The following KLKB1 variants were observed in gnomAD, a reference collection of about 807,000 sequenced individuals.
KLKB1 encodes kallikrein B1.
In KLKB1, 58 loss-of-function variants were observed where a neutral mutation model predicts 73.6. That is an observed-to-expected ratio of 0.79 (90% CI 0.64 to 0.98). The LOEUF is 0.98. Ranked by LOEUF, KLKB1 falls within the 50% of genes least tolerant of loss-of-function variation. The pLI, the probability that KLKB1 is intolerant of heterozygous loss-of-function variation, is 0.00. For missense variants in KLKB1, 737 were observed against 763.8 expected (o/e 0.96, Z 0.41); for synonymous variants, 280 against 258.1 (o/e 1.08, Z -0.81).
intron 5 of KLKB1, 23 bp from the exon 6 acceptor site, chr4:186,238,233 T>C: frequency 6.6e-7 from 1 of 1,508,038 alleles, no homozygotes; most frequent in South Asian, 1.1e-5. Context: ...GAAAGCAAAG[T>C]AACCTCTTTT....
chr4:186,256,600 G>A (rs954796504), intron 13 of KLKB1, among the ~76,000 whole-genome samples: 8 of 152,104 alleles, frequency 5.3e-5, no homozygotes, highest in African/African-American at 1.9e-4. Context: ...GGTAATCTGA[G>A]ACAAGAAGAA....
At chr4:186,228,095 C>A in intron 1 of KLKB1, 100 bp from the exon 2 acceptor site, 1 of 745,978 alleles carries the variant, frequency 1.3e-6, no homozygotes, top group Non-Finnish European at 2.4e-6. Flanking sequence ...CTTTGTCTTG[C>A]AATTCAGACA....
At chr4:186,215,505 A>G (rs1736876939) in intron 2 of KLKB1, among the ~76,000 whole-genome samples, 1 of 150,480 alleles carries the variant, frequency 6.6e-6, no homozygotes, top group African/African-American at 2.5e-5. Flanking sequence ...TTGCTTGCGC[A>G]AGTCAAGCCC....
chr4:186,213,891 T>C (rs530204525), intron 2 of KLKB1, among the ~76,000 whole-genome samples: 2 of 152,346 alleles, frequency 1.3e-5, no homozygotes, highest in African/African-American at 4.8e-5. Context: ...ACCCTCTTTT[T>C]CTAGGAGCAG....
chr4:186,247,102 CTTG>C (rs1004539527), intron 6 of KLKB1, among the ~76,000 whole-genome samples: 1 of 152,130 alleles, frequency 6.6e-6, no homozygotes, highest in Non-Finnish European at 1.5e-5. Flanking sequence ...GTTCCTTGGG[CTTG>C]TTGGTCTGAG....
chr4:186,212,489 T>A (rs1015064660), intron 2 of KLKB1: 1 of 152,242 alleles, frequency 6.6e-6, no homozygotes, highest in African/African-American at 2.4e-5. Flanking sequence ...CATTTAATAG[T>A]TTAAACAAGA....
At chr4:186,223,122 G>T (rs1231135327), upstream of KLKB1, among the ~76,000 whole-genome samples, 1 of 152,090 alleles carries the variant, frequency 6.6e-6, no homozygotes, top group Non-Finnish European at 1.5e-5. Context: ...CACCATAATT[G>T]TAAGTTTCCT....
intron 6 of KLKB1, among the ~76,000 whole-genome samples, chr4:186,244,868 G>T (rs1738246130): frequency 6.6e-6 from 1 of 152,138 alleles, no homozygotes; most frequent in African/African-American, 2.4e-5. Flanking sequence ...TTGGCATTGA[G>T]CGGGGTAAGT....
At chr4:186,225,486 C>T (rs1216608652), upstream of KLKB1, among the ~76,000 whole-genome samples, 2 of 126,232 alleles carry the variant, frequency 1.6e-5, no homozygotes, top group African/African-American at 3.3e-5. Flanking sequence ...GTGCAGTGTG[C>T]AGTGGCGCAA....
At chr4:186,248,945 G>A (rs1312383780) in intron 6 of KLKB1, among the ~76,000 whole-genome samples, 1 of 152,106 alleles carries the variant, frequency 6.6e-6, no homozygotes, top group Non-Finnish European at 1.5e-5. Flanking sequence ...ATCTTTTCGT[G>A]TGCTCATTTT....
intron 6 of KLKB1, among the ~76,000 whole-genome samples, chr4:186,249,824 T>A (rs28721981): frequency 0.15 from 22,087 of 152,234 alleles, 1,743 homozygotes; most frequent in Middle Eastern, 0.22. Flanking sequence ...TCTCCTGTTC[T>A]AATTTTAATA....
At position 186,252,123 on chromosome 4, in the gene KLKB1, C is replaced by T. The variant is rs140719431; in HGVS notation, c.1251C>T (p.His417=). The T allele has an allele frequency of 6.0e-4, 968 of 1,613,906 alleles. No individual in the cohort carries two copies. The highest frequency in any genetic ancestry group is 7.4e-4 in the Non-Finnish European group (876 of 1,180,038). ...SLQVKLTAQR[H]LCGGSLIGHQ... ...AGGTGAAGCTGACAGCTCAGAGGCA[C>T]CTGTGTGGAGGGTCACTCATAGGAC... The change falls in exon 11 of 15, where the codon CAC becomes CAT. Residue 417 remains histidine, a synonymous_variant. Transcript: ENST00000264690.
In KLKB1 at chr4:186,232,157, T is replaced by A; in HGVS notation, c.89T>A (p.Phe30Tyr). Residue 30 changes from phenylalanine to tyrosine, a missense_variant, in exon 3 of 15, where the codon TTC (phenylalanine) becomes TAC (tyrosine). Phe to Tyr is a conservative substitution (Grantham distance 22). Transcript: ENST00000264690. ...GCLTQLYENA[F>Y]FRGGDVASMY... ...CTGACTCAACTCTATGAAAACGCCT[T>A]CTTCAGAGGTGGGGATGTAGCTTCC... The A allele has an allele frequency of 6.2e-7, 1 of 1,613,180 alleles. No individual in the cohort carries two copies. Among genetic ancestry groups the A allele is most frequent in the Non-Finnish European group, 8.5e-7 (1 of 1,179,386 alleles).
intron 11 of KLKB1, among the ~76,000 whole-genome samples, chr4:186,252,563 A>G (rs1413874898): frequency 1.0e-5 from 1 of 98,162 alleles, no homozygotes; most frequent in African/African-American, 4.1e-5. Flanking sequence ...CTCAGCACCA[A>G]TCCCACCACC....
At chr4:186,247,984 A>T (rs1009680119) in intron 6 of KLKB1, among the ~76,000 whole-genome samples, 1 of 152,226 alleles carries the variant, frequency 6.6e-6, no homozygotes, top group Non-Finnish European at 1.5e-5. Context: ...ACGGTGGCTC[A>T]CGCCTGTAAT....
chr4:186,228,523 C>G (rs1001727422), intron 2 of KLKB1, among the ~76,000 whole-genome samples: 2 of 152,146 alleles, frequency 1.3e-5, no homozygotes, highest in African/African-American at 4.8e-5. Context: ...TCGCAGATGA[C>G]ACTCTGCAAA....
Position 186,258,089 on chromosome 4 carries a change from G to A in KLKB1, c.1794G>A (p.Trp598Ter). 1 of 1,614,104 alleles carries A rather than the reference G, an allele frequency of 6.2e-7. No homozygotes were observed. The highest frequency in any genetic ancestry group is 8.5e-7 in the Non-Finnish European group (1 of 1,179,982). The change falls in exon 15 of 15, where the codon TGG (tryptophan) becomes TGA (stop). Residue 598 changes from tryptophan to a stop codon, truncating the protein, a stop_gained. Transcript: ENST00000264690. LOFTEE classifies it low-confidence loss of function (END_TRUNC). ...GMWRLVGITS[W>*]GEGCARREQP... ...GGCGTTTGGTGGGCATCACCAGCTGGGGTGAAGGCTGTGCCCGCAGGGAGC... is the reference window on the plus strand; with the variant it reads ...GGCGTTTGGTGGGCATCACCAGCTGAGGTGAAGGCTGTGCCCGCAGGGAGC...
At chr4:186,220,361 A>G (rs960509939) in intron 2 of KLKB1, among the ~76,000 whole-genome samples, 7 of 152,194 alleles carry the variant, frequency 4.6e-5, no homozygotes, top group Non-Finnish European at 1.5e-5. Context: ...CCACCGTTCT[A>G]TCAATACAGC....
At chr4:186,257,729 C>G (rs1410279307) in intron 14 of KLKB1, among the ~76,000 whole-genome samples, 1 of 146,680 alleles carries the variant, frequency 6.8e-6, no homozygotes, top group Non-Finnish European at 1.5e-5. Flanking sequence ...ACTTGGAGAA[C>G]TTTAAGAAAG....
Sources: gnomAD v4.1 joint callset for allele counts (sites outside exome capture counted in the v4.1 genomes callset) on GRCh38, gnomAD v4.1.1 for gene constraint, MANE v1.5 for transcripts, NCBI Gene and HGNC (gene_info 2026-07-23, HGNC 2026-07-21) for gene names.